NOL4L: variants seen among roughly 807,000 people sequenced by gnomAD.
NOL4L encodes nucleolar protein 4 like.
NOL4L carries 7 observed loss-of-function variants against 64.5 expected under a neutral mutation model. The ratio of observed to expected loss-of-function variants is 0.11; its 90% CI spans 0.06 to 0.20. The LOEUF (loss-of-function observed/expected upper bound fraction) is 0.20. Among genes scored for constraint, NOL4L ranks in the 10% least tolerant of loss-of-function variants. The pLI is 1.00. For synonymous variants in NOL4L, 413 were observed against 401.0 expected, an observed-to-expected ratio of 1.03 and a Z score of -0.36; for missense variants, 680 against 967.1, an observed-to-expected ratio of 0.70 and a Z score of 3.94.
Position 32,458,092 on chromosome 20 carries a change from A to G in NOL4L, c.842-1697T>C, listed in dbSNP as rs150716270. ...CAGACCAGCTCCTCATGCAGCTCCC[A>G]CTGGCTGCTCTCCAGCGCCCAGGCC... On this transcript the variant is annotated intron_variant, in intron 5 of 10. Coordinates refer to ENST00000621426, the MANE Select transcript of NOL4L (RefSeq NM_001256798.2). Among the ~76,000 whole-genome samples, 656 of 152,216 alleles carry G rather than the reference A, an allele frequency of 4.3e-3. 3 individuals are homozygous for G. The highest frequency in any genetic ancestry group is 0.017 in the Middle Eastern group (5 of 294).
intron 1 of NOL4L, among the ~76,000 whole-genome samples, chr20:32,564,397 G>GAA (rs961225508): frequency 2.8e-4 from 42 of 152,240 alleles, no homozygotes; most frequent in African/African-American, 1.0e-3. Flanking sequence ...TTACAGGGGA[G>GAA]AAAACTGAGG....
intron 3 of NOL4L, among the ~76,000 whole-genome samples, chr20:32,519,051 G>A (rs1222691708): frequency 6.6e-6 from 1 of 152,226 alleles, no homozygotes; most frequent in African/African-American, 2.4e-5. Flanking sequence ...ACAGATGAGG[G>A]AACTGAGGCT....
At chr20:32,498,876 GTGTT>G (rs971926849) in intron 4 of NOL4L, among the ~76,000 whole-genome samples, 1 of 151,456 alleles carries the variant, frequency 6.6e-6, no homozygotes, top group African/African-American at 2.4e-5. Flanking sequence ...AAAAATTTTT[GTGTT>G]TGTTTGTTTT....
At position 32,490,144 on chromosome 20, in the gene NOL4L, A is replaced by ACAAAAAAC. The variant is rs1555797122; in HGVS notation, c.700-15403_700-15402insGTTTTTTG. On this transcript the variant is annotated intron_variant, in intron 4 of 10. Coordinates refer to ENST00000621426, the MANE Select transcript of NOL4L (RefSeq NM_001256798.2). ...ACTCCATCTCAAAAAAAAAAAAAAA[A>ACAAAAAAC]ATATATATACACATATATATATGTA... 1.6e-5 allele frequency among the ~76,000 whole-genome samples: 2 copies of ACAAAAAAC among 122,208 alleles called. 1 individual carries two copies. Among genetic ancestry groups the ACAAAAAAC allele is most frequent in the African/African-American group, 6.4e-5 (2 of 31,458 alleles). The allele number at this position is 122,208 out of a possible 152,430, so 80.2% of individuals were successfully genotyped here.
intron 1 of NOL4L, chr20:32,536,173 G>T (rs1480672030): frequency 4.1e-6 from 4 of 985,620 alleles, no homozygotes; most frequent in Non-Finnish European, 4.8e-6. Context: ...AAAGAGCTCT[G>T]TCTGCTACTC....
chr20:32,488,502 C>T (rs2016191635), intron 4 of NOL4L, among the ~76,000 whole-genome samples: 1 of 152,160 alleles, frequency 6.6e-6, no homozygotes, highest in African/African-American at 2.4e-5. Flanking sequence ...GGGTCACATC[C>T]CTCTCTCTAA....
At position 32,585,257 on chromosome 20, in the gene NOL4L, C is replaced by G. The variant is rs1287530476; in HGVS notation, c.-367G>C. ...GGAGGCGGGAGGCGGGGAGCGGCCC[C>G]GAGCGCTGGGAGCGAGACCGAGCCT... On this transcript the variant is annotated 5_prime_UTR_variant, in exon 1 of 11. Coordinates refer to ENST00000621426, the MANE Select transcript of NOL4L (RefSeq NM_001256798.2). 4.2e-5 allele frequency among the ~76,000 whole-genome samples: 6 copies of G among 143,384 alleles called. No individual in the cohort carries two copies. Among genetic ancestry groups the G allele is most frequent in the East Asian group, 4.2e-4 (2 of 4,792 alleles). 94.1% of individuals were successfully genotyped at this position (143,384 alleles called of 152,430 possible). A position where few individuals can be genotyped will look rare whatever the true frequency, so the allele number is the denominator to read the frequency against.
At chr20:32,547,311 G>C (rs2018745804) in intron 1 of NOL4L, among the ~76,000 whole-genome samples, 1 of 152,084 alleles carries the variant, frequency 6.6e-6, no homozygotes, top group African/African-American at 2.4e-5. Context: ...TCTTTTTTGA[G>C]AGAGGATCCC....
At chr20:32,514,806 A>G (rs73613779) in intron 3 of NOL4L, among the ~76,000 whole-genome samples, 8,727 of 151,938 alleles carry the variant, frequency 0.057, 633 homozygotes, top group East Asian at 0.26. Flanking sequence ...TCAGAGGTGG[A>G]TGTTTGGACT....
At chr20:32,511,277 G>T in intron 4 of NOL4L, 70 bp downstream of exon 4, 2 of 961,170 alleles carry the variant, frequency 2.1e-6, no homozygotes, top group Non-Finnish European at 3.2e-6. Flanking sequence ...CCCAAGTCTT[G>T]GAAAGAATCA....
At chr20:32,489,596 T>C (rs2016371215) in intron 4 of NOL4L, among the ~76,000 whole-genome samples, 1 of 152,194 alleles carries the variant, frequency 6.6e-6, no homozygotes, top group Non-Finnish European at 1.5e-5. Flanking sequence ...CTATTATGTG[T>C]GGATTTGTAT....
chr20:32,518,162 G>A (rs900555399), intron 3 of NOL4L, among the ~76,000 whole-genome samples: 2 of 152,172 alleles, frequency 1.3e-5, no homozygotes, highest in Non-Finnish European at 2.9e-5. Flanking sequence ...CTCTCCCTGC[G>A]AGGAGAAGCT....
At chr20:32,560,022 GTCC>G (rs1978908701) in intron 1 of NOL4L, among the ~76,000 whole-genome samples, 1 of 152,244 alleles carries the variant, frequency 6.6e-6, no homozygotes, top group African/African-American at 2.4e-5. Context: ...CTGCCTTCTT[GTCC>G]TCCTCCTCCT....
intron 4 of NOL4L, among the ~76,000 whole-genome samples, chr20:32,478,888 G>A (rs925304472): frequency 6.6e-6 from 1 of 152,210 alleles, no homozygotes; most frequent in African/African-American, 2.4e-5. Context: ...GGCTGCGACA[G>A]CAAATTTTTT....
intron 1 of NOL4L, among the ~76,000 whole-genome samples, chr20:32,584,365 G>A (rs919813695): frequency 6.6e-6 from 1 of 151,476 alleles, no homozygotes; most frequent in African/African-American, 2.4e-5. Flanking sequence ...GCGGAGGGGG[G>A]CAGGGACGCC....
chr20:32,550,815 G>A (rs891211796), intron 1 of NOL4L, among the ~76,000 whole-genome samples: 1 of 152,072 alleles, frequency 6.6e-6, no homozygotes, highest in Non-Finnish European at 1.5e-5. Context: ...AGGAGGCAGA[G>A]GTTGCAGTGA....
Position 32,476,552 on chromosome 20 carries a change from T to C in NOL4L, c.700-1810A>G, listed in dbSNP as rs58511437. 2.5e-3 allele frequency among the ~76,000 whole-genome samples: 380 copies of C among 152,340 alleles called. 2 individuals are homozygous for C. Among genetic ancestry groups the C allele is most frequent in the African/African-American group, 8.7e-3 (363 of 41,578 alleles). ...GGAAGACTCTTGGGTATTGTTCAAA[T>C]GCTCACGACTTAAAAGACAGAGTAT... On this transcript the variant is annotated intron_variant, in intron 4 of 10. Transcript: ENST00000621426.
At position 32,464,060 on chromosome 20, in the gene NOL4L, C is replaced by T. The variant is rs1375581684; in HGVS notation, c.842-7665G>A. 1.3e-5 allele frequency among the ~76,000 whole-genome samples: 2 copies of T among 150,476 alleles called. No individual in the cohort carries two copies. The highest frequency in any genetic ancestry group is 4.9e-5 in the African/African-American group (2 of 40,638). Reference sequence around the variant, plus strand: ...CATCAATAATTCACACACAACAGGGCGACGGGGGAGGAGGGGGTGGGAGAC... The same window carrying T: ...CATCAATAATTCACACACAACAGGGTGACGGGGGAGGAGGGGGTGGGAGAC... On this transcript the variant is annotated intron_variant, in intron 5 of 10. Coordinates refer to ENST00000621426, the MANE Select transcript of NOL4L (RefSeq NM_001256798.2). This position sits in a 1 kb window ranked among gnomAD's most constrained non-coding sequence, Gnocchi z 5.6.
Position 32,447,364 on chromosome 20 carries a change from C to G in NOL4L, c.*232G>C, listed in dbSNP as rs6057582. 8.2e-6 allele frequency: 5 copies of G among 612,644 alleles called. No individual in the cohort carries two copies. Among genetic ancestry groups the G allele is most frequent in the Non-Finnish European group, 1.4e-5 (5 of 359,696 alleles). The allele number at this position is 612,644 out of a possible 1,614,324, so 38.0% of individuals were successfully genotyped here. ...ACCCTTCCAGAGCTGCCCCGTTGGCCTCTTCCAAGCAGGTCAGAGCACCCG... is the reference window on the plus strand; with the variant it reads ...ACCCTTCCAGAGCTGCCCCGTTGGCGTCTTCCAAGCAGGTCAGAGCACCCG... On this transcript the variant is annotated 3_prime_UTR_variant, in exon 11 of 11. Coordinates refer to ENST00000621426, the MANE Select transcript of NOL4L (RefSeq NM_001256798.2).
Sources: gnomAD v4.1 joint callset for allele counts (sites outside exome capture counted in the v4.1 genomes callset) on GRCh38, gnomAD v4.1.1 for gene constraint, Gnocchi (gnomAD v3.1) non-coding constraint, MANE v1.5 for transcripts, NCBI Gene and HGNC (gene_info 2026-07-23, HGNC 2026-07-21) for gene names.